CTNNBL1: variants seen among roughly 807,000 people sequenced by gnomAD.
CTNNBL1 encodes the protein catenin beta like 1.
Under a neutral mutation model 72.7 loss-of-function variants are expected in CTNNBL1, and 31 were observed. The observed-to-expected ratio is 0.43, with a 90% CI of 0.32 to 0.58. The LOEUF is 0.58. Among genes scored for constraint, CTNNBL1 ranks in the 20% least tolerant of loss-of-function variants. The pLI, the probability that CTNNBL1 is intolerant of heterozygous loss-of-function variation, is 0.08. For missense variants in CTNNBL1, 534 were observed against 725.1 expected (o/e 0.74, Z 3.03); for synonymous variants, 240 against 267.3 (o/e 0.90, Z 1.00).
At chr20:37,715,596 T>A (rs2072979398) in intron 1 of CTNNBL1, among the ~76,000 whole-genome samples, 1 of 152,188 alleles carries the variant, frequency 6.6e-6, no homozygotes, top group South Asian at 2.1e-4. Context: ...CTTATGCAGC[T>A]TTATTTAAAA....
chr20:37,811,757 C>T (rs1376186674), intron 11 of CTNNBL1, among the ~76,000 whole-genome samples: 1 of 152,180 alleles, frequency 6.6e-6, no homozygotes, highest in Admixed American at 6.5e-5. Flanking sequence ...TGTTCTCTTT[C>T]GAGGGAGTGG....
chr20:37,810,199 C>T (rs1219657424), intron 11 of CTNNBL1, among the ~76,000 whole-genome samples: 1 of 152,108 alleles, frequency 6.6e-6, no homozygotes, highest in Admixed American at 6.5e-5. Context: ...ATTTGGCTCA[C>T]AATTCTGGAG....
intron 15 of CTNNBL1, among the ~76,000 whole-genome samples, chr20:37,868,660 T>C (rs1257850237): frequency 6.6e-6 from 1 of 152,152 alleles, no homozygotes; most frequent in Non-Finnish European, 1.5e-5. Flanking sequence ...GCGCATAGGA[T>C]GGGTGCTCTG....
rs1199785691 is a variant in CTNNBL1, at chr20:37,785,459, T to G, written c.1031+6124T>G. ...GGTGTGCTTCGTTCTTTCTTATTCT[T>G]TTTTTCTTTTGTCTTTGACTGTATT... On this transcript the variant is annotated intron_variant, in intron 10 of 15. Coordinates refer to ENST00000361383, the MANE Select transcript of CTNNBL1 (RefSeq NM_030877.5). 2.6e-5 allele frequency among the ~76,000 whole-genome samples: 4 copies of G among 152,192 alleles called. No individual in the cohort carries two copies. The East Asian group carries it at 7.7e-4, about 29-fold the overall frequency.
At chr20:37,714,508 A>G (rs2072969305) in intron 1 of CTNNBL1, among the ~76,000 whole-genome samples, 1 of 152,214 alleles carries the variant, frequency 6.6e-6, no homozygotes, top group Non-Finnish European at 1.5e-5. Context: ...GCTTTAAGTA[A>G]TAGTAGATGA....
chr20:37,702,496 A>G (rs1477754165), intron 1 of CTNNBL1, among the ~76,000 whole-genome samples: 1 of 152,232 alleles, frequency 6.6e-6, no homozygotes, highest in Non-Finnish European at 1.5e-5. Context: ...TATGATTCTA[A>G]TCATGAAGTC....
At chr20:37,705,448 T>C (rs2072877164) in intron 1 of CTNNBL1, among the ~76,000 whole-genome samples, 1 of 152,194 alleles carries the variant, frequency 6.6e-6, no homozygotes, top group Admixed American at 6.5e-5. Flanking sequence ...ACACGCATGC[T>C]ACAGCAACAT....
At chr20:37,789,535 A>G (rs907779067) in intron 10 of CTNNBL1, among the ~76,000 whole-genome samples, 1 of 152,334 alleles carries the variant, frequency 6.6e-6, no homozygotes, top group East Asian at 1.9e-4. Flanking sequence ...TGGGGTGGCC[A>G]TTTTAGAATT....
intron 1 of CTNNBL1, among the ~76,000 whole-genome samples, chr20:37,712,694 G>C (rs1272392095): frequency 2.0e-5 from 3 of 152,256 alleles, no homozygotes; most frequent in African/African-American, 7.2e-5. Context: ...TGCCTCTGCT[G>C]TCTCTGCTGG....
chr20:37,758,530 T>C (rs1488976561), intron 5 of CTNNBL1, among the ~76,000 whole-genome samples: 1 of 152,204 alleles, frequency 6.6e-6, no homozygotes, highest in East Asian at 1.9e-4. Context: ...CAATTCTGTT[T>C]CCACTGCCCC....
At chr20:37,849,940 C>T (rs924743449) in intron 13 of CTNNBL1, among the ~76,000 whole-genome samples, 6 of 152,252 alleles carry the variant, frequency 3.9e-5, no homozygotes, top group Non-Finnish European at 8.8e-5. Flanking sequence ...ATGTAAATCA[C>T]TTGGAATATT....
rs139126904 is a variant in CTNNBL1 at position 37,830,384 on chromosome 20, T to G, written c.1214-9718T>G. ...AAAGATTCCTAAAAGCCTCCTCCTG[T>G]GACCCAGCTCCGCTTGCTAGGGCCT... is the stretch of plus-strand genomic sequence containing the variant. On this transcript the variant is annotated intron_variant, in intron 11 of 15. Transcript: ENST00000361383. 8.1e-4 allele frequency among the ~76,000 whole-genome samples: 123 copies of G among 152,310 alleles called. 1 individual carries two copies. The highest frequency in any genetic ancestry group is 2.8e-3 in the African/African-American group (115 of 41,570).
At chr20:37,738,986 A>G (rs1420249806) in intron 3 of CTNNBL1, among the ~76,000 whole-genome samples, 1 of 152,052 alleles carries the variant, frequency 6.6e-6, no homozygotes, top group Non-Finnish European at 1.5e-5. Flanking sequence ...GCCCTCTTTG[A>G]TAGTAGGAGT....
chr20:37,810,704 A>T (rs992670376), intron 11 of CTNNBL1, among the ~76,000 whole-genome samples: 12 of 152,226 alleles, frequency 7.9e-5, no homozygotes, highest in African/African-American at 2.2e-4. Flanking sequence ...TTCGAAGGAT[A>T]CATAGTATTT....
At chr20:37,719,623 T>C (rs1385308776) in intron 1 of CTNNBL1, among the ~76,000 whole-genome samples, 1 of 152,218 alleles carries the variant, frequency 6.6e-6, no homozygotes. Flanking sequence ...CTCCCCTTCA[T>C]GTTCACAAGG....
chr20:37,838,999 AT>A, intron 11 of CTNNBL1, among the ~76,000 whole-genome samples: 1 of 152,316 alleles, frequency 6.6e-6, no homozygotes, highest in East Asian at 1.9e-4. Context: ...ATAGGTTCAA[AT>A]TTGTGAGTTG....
At chr20:37,786,551 C>CAT (rs144124144) in intron 10 of CTNNBL1, among the ~76,000 whole-genome samples, 279 of 150,226 alleles carry the variant, frequency 1.9e-3, no homozygotes, top group African/African-American at 4.8e-3. Context: ...TATGTGTGTA[C>CAT]ATATATATAT....
intron 5 of CTNNBL1, among the ~76,000 whole-genome samples, chr20:37,764,449 C>T (rs1224448456): frequency 1.3e-5 from 2 of 152,110 alleles, no homozygotes; most frequent in Non-Finnish European, 2.9e-5. Flanking sequence ...AGAAGGAAGC[C>T]TGGGTTTTGC....
At chr20:37,860,736 C>G (rs1393845396) in intron 15 of CTNNBL1, among the ~76,000 whole-genome samples, 1 of 152,194 alleles carries the variant, frequency 6.6e-6, no homozygotes, top group Non-Finnish European at 1.5e-5. Context: ...GTTTTGCTTT[C>G]AGTTACACAC....
Sources: allele counts gnomAD v4.1 joint callset (sites outside exome capture counted in the v4.1 genomes callset), GRCh38; gene constraint gnomAD v4.1.1; transcripts MANE v1.5; gene names NCBI Gene and HGNC (gene_info 2026-07-23, HGNC 2026-07-21).